MYOZ1: variants seen among roughly 807,000 people sequenced by gnomAD.
MYOZ1 encodes myozenin 1, also known as myozenin-1.
In MYOZ1, 20 loss-of-function variants were observed where a neutral mutation model predicts 28.7. The ratio of observed to expected loss-of-function variants is 0.70; its 90% confidence interval spans 0.49 to 1.01. The LOEUF (loss-of-function observed/expected upper bound fraction) is 1.01, where lower values mean the gene tolerates loss of function less well. Ranked by LOEUF, MYOZ1 falls within the 50% of genes least tolerant of loss-of-function variation. MYOZ1 has a pLI of 0.00. For synonymous variants in MYOZ1, 144 were observed against 145.8 expected, an observed-to-expected ratio of 0.99 and a Z score of 0.09; for missense variants, 371 against 372.4, an observed-to-expected ratio of 1.00 and a Z score of 0.03.
chr10:73,631,895 G>A lies in MYOZ1; in HGVS notation c.*35C>T. ...ATTCCCTCTCCAAATTGGAGCCAGA[G>A]AGGGGAAATGATGCAAATCAGAGGA... On this transcript the variant is annotated 3_prime_UTR_variant, in exon 6 of 6. Coordinates refer to ENST00000359322, the MANE Select transcript of MYOZ1 (RefSeq NM_021245.4). 6.4e-7 allele frequency: 1 copy of A among 1,574,702 alleles called. No homozygotes were observed. The highest frequency in any genetic ancestry group is 8.7e-7 in the Non-Finnish European group (1 of 1,145,016).
rs2081650852 is a variant in MYOZ1 at position 73,633,897 on chromosome 10, T to G, written c.668+3A>C. On this transcript the variant is annotated splice_donor_region_variant and intron_variant, in intron 5 of 5. Transcript: ENST00000359322. Reference sequence around the variant, plus strand: ...CATCTGGTTCCTTCCTCACCACCCCTACCTGTTGAAGGACTTATATTTGGG... The same window carrying G: ...CATCTGGTTCCTTCCTCACCACCCCGACCTGTTGAAGGACTTATATTTGGG... 2 of 1,604,834 alleles carry G rather than the reference T, an allele frequency of 1.2e-6. No homozygotes were observed. Among genetic ancestry groups the G allele is most frequent in the Non-Finnish European group, 1.7e-6 (2 of 1,175,156 alleles).
At chr10:73,632,518 A>AT (rs2081640882) in intron 5 of MYOZ1, among the ~76,000 whole-genome samples, 1 of 151,930 alleles carries the variant, frequency 6.6e-6, no homozygotes, top group Non-Finnish European at 1.5e-5. Flanking sequence ...TAATCCCAGC[A>AT]TTTTGGGAGG....
chr10:73,635,463 C>T (rs1277999837), intron 3 of MYOZ1, among the ~76,000 whole-genome samples: 2 of 152,018 alleles, frequency 1.3e-5, no homozygotes, highest in Non-Finnish European at 2.9e-5. Context: ...CTCACTGCAA[C>T]CTCCACCTCC....
chr10:73,633,759 G>A (rs1056201027), intron 5 of MYOZ1, 141 bp downstream of exon 5: 11 of 920,182 alleles, frequency 1.2e-5, no homozygotes, highest in Admixed American at 5.7e-5. Flanking sequence ...AGTGAAAAGA[G>A]CAGGGCCTTT....
At chr10:73,637,980 C>T in intron 2 of MYOZ1, 58 bp from the exon 3 acceptor site, 5 of 1,530,150 alleles carry the variant, frequency 3.3e-6, no homozygotes, top group Non-Finnish European at 4.4e-6. Flanking sequence ...GTTTTCTGGG[C>T]TCAGAATGCA....
At chr10:73,639,774 TTC>T (rs1319677900) in intron 2 of MYOZ1, among the ~76,000 whole-genome samples, 169 bp downstream of exon 2, 4 of 152,294 alleles carry the variant, frequency 2.6e-5, no homozygotes, top group African/African-American at 9.6e-5. Context: ...GTTGAATCTT[TTC>T]TCTCTTTCTC....
At position 73,631,757 on chromosome 10, in the gene MYOZ1, AG is replaced by A. The variant is rs2081636163; in HGVS notation, c.*172del. On this transcript the variant is annotated 3_prime_UTR_variant, in exon 6 of 6. Coordinates refer to ENST00000359322, the MANE Select transcript of MYOZ1 (RefSeq NM_021245.4). ...GTAGAAGGGGAGCTCTGAGTTGGTGAGGAAGGATGCGTGGAGTGGGGACTTG... is the reference window on the plus strand; with the variant it reads ...GTAGAAGGGGAGCTCTGAGTTGGTGAGAAGGATGCGTGGAGTGGGGACTTG... The A allele has an allele frequency of 9.8e-6, 6 of 610,960 alleles. No individual in the cohort carries two copies. The highest frequency in any genetic ancestry group is 1.7e-5 in the Non-Finnish European group (6 of 349,314). 37.8% of individuals were successfully genotyped at this position (610,960 alleles called of 1,614,324 possible).
chr10:73,634,551 A>C lies in MYOZ1; in HGVS notation c.435T>G (p.Gly145=), dbSNP rs757679811. ...CTCTGCCAGCCTGGCCCGCGGGACC[A>C]CCTGTACCCCCAGCTCCAGACCCAG... ...LGSGSGAGGT[G]GPAGQAGRGG... The change falls in exon 4 of 6, where the codon GGT becomes GGG. Residue 145 remains glycine, a synonymous_variant. Transcript: ENST00000359322. 4.3e-6 allele frequency: 7 copies of C among 1,613,918 alleles called. No individual in the cohort carries two copies. The highest frequency in any genetic ancestry group is 1.7e-5 in the Admixed American group (1 of 60,002).
chr10:73,633,541 C>CT (rs2081648768), intron 5 of MYOZ1, among the ~76,000 whole-genome samples: 3 of 151,646 alleles, frequency 2.0e-5, no homozygotes, highest in Non-Finnish European at 2.9e-5. Context: ...CCTGCCTGGG[C>CT]GATATAGCGA....
Position 73,634,621 on chromosome 10 carries a change from C to T in MYOZ1, c.365G>A (p.Gly122Asp). 1.2e-5 allele frequency: 19 copies of T among 1,614,198 alleles called. No homozygotes were observed. Among genetic ancestry groups the T allele is most frequent in the Non-Finnish European group, 1.6e-5 (19 of 1,180,034 alleles). Residue 122 changes from glycine to aspartate, a missense_variant, in exon 4 of 6, where the codon GGC becomes GAC. By Grantham distance (94) the Gly-to-Asp change is moderately conservative (BLOSUM62 -1). Transcript: ENST00000359322. ...GRGGSQAGGSGSAGQYGSDQQ... is the reference protein window; with the variant it reads ...GRGGSQAGGSDSAGQYGSDQQ... ...ATCAGAGCCATACTGTCCGGCAGAG[C>T]CACTGCCCCCTGCCTGGCTGCCGCC...
chr10:73,636,777 T>C (rs904696743), intron 3 of MYOZ1, among the ~76,000 whole-genome samples: 1 of 152,132 alleles, frequency 6.6e-6, no homozygotes, highest in African/African-American at 2.4e-5. Context: ...TTAGTATAGA[T>C]ATGCCTCCAA....
chr10:73,638,117 C>A (rs1297150057), intron 2 of MYOZ1, among the ~76,000 whole-genome samples, 195 bp from the exon 3 acceptor site: 1 of 151,700 alleles, frequency 6.6e-6, no homozygotes, highest in African/African-American at 2.4e-5. Context: ...AACTGGGGTG[C>A]ACTGTGGAGA....
intron 4 of MYOZ1, 85 bp from the exon 5 acceptor site, chr10:73,634,150 A>T: frequency 6.8e-7 from 1 of 1,470,594 alleles, no homozygotes. Flanking sequence ...ACACTAGGGA[A>T]ATTGCAAGAG....
At chr10:73,634,333 G>C (rs904498208) in intron 4 of MYOZ1, 151 bp downstream of exon 4, 3 of 1,012,466 alleles carry the variant, frequency 3.0e-6, no homozygotes, top group Middle Eastern at 3.3e-4. Flanking sequence ...AATTCACCAA[G>C]ATATTTATGA....
At chr10:73,640,223 A>G (rs1174816932) in intron 1 of MYOZ1, among the ~76,000 whole-genome samples, 188 bp from the exon 2 acceptor site, 2 of 152,180 alleles carry the variant, frequency 1.3e-5, no homozygotes, top group Non-Finnish European at 2.9e-5. Flanking sequence ...ATCATGCCTC[A>G]CTGCAGCCTC....
chr10:73,636,770 G>T (rs1417996868), intron 3 of MYOZ1, among the ~76,000 whole-genome samples: 1 of 151,780 alleles, frequency 6.6e-6, no homozygotes, highest in African/African-American at 2.4e-5. Flanking sequence ...TACTTTTTTA[G>T]TATAGATATG....
chr10:73,633,549 C>T (rs556219707), intron 5 of MYOZ1, among the ~76,000 whole-genome samples: 11 of 151,944 alleles, frequency 7.2e-5, no homozygotes, highest in East Asian at 1.9e-4. Flanking sequence ...GGCGATATAG[C>T]GAGACCCCAT....
chr10:73,638,462 C>T (rs933102442), intron 2 of MYOZ1, among the ~76,000 whole-genome samples: 13 of 149,706 alleles, frequency 8.7e-5, no homozygotes, highest in African/African-American at 2.9e-4. Context: ...CCTCCCAGGT[C>T]GCTGGGATTG....
rs1165783278 is a variant in MYOZ1, at chr10:73,634,564, G to T, written c.422C>A (p.Ala141Asp). ...GCCCGCGGGACCACCTGTACCCCCA[G>T]CTCCAGACCCAGAGCCCAGATGGTG... The part of the protein sequence containing the change: ...QQHHLGSGSG[A>D]GGTGGPAGQA... Residue 141 changes from alanine (A) to aspartate (D), a missense_variant, in exon 4 of 6, where the codon GCT becomes GAT. By Grantham distance (126) the Ala-to-Asp change is moderately radical. Transcript: ENST00000359322. 4 of 1,614,106 alleles carry T rather than the reference G, an allele frequency of 2.5e-6. No individual in the cohort carries two copies. The highest frequency in any genetic ancestry group is 1.3e-5 in the African/African-American group (1 of 75,024).
Sources: allele counts gnomAD v4.1 joint callset (sites outside exome capture counted in the v4.1 genomes callset), GRCh38; gene constraint gnomAD v4.1.1; transcripts MANE v1.5; gene names NCBI Gene and HGNC (gene_info 2026-07-23, HGNC 2026-07-21).